Variants in ART5 observed in about 807,000 individuals in gnomAD.
ART5 encodes the protein ecto-ADP-ribosyltransferase 5.
A neutral mutation model predicts 25.0 loss-of-function variants in ART5; 22 were observed. The observed-to-expected ratio is 0.88, with a 90% CI of 0.63 to 1.26. ART5 has a LOEUF of 1.26. ART5 is among the 50% of genes most tolerant of loss of function. The pLI is 0.00. For synonymous variants in ART5, 161 were observed against 154.8 expected (o/e 1.04, Z -0.30); for missense variants, 402 against 372.8 (o/e 1.08, Z -0.64).
Position 3,638,597 on chromosome 11 carries a change from G to A in ART5, c.*141C>T. The A allele has an allele frequency of 1.0e-6, 1 of 987,054 alleles. No homozygotes were observed. The highest frequency in any genetic ancestry group is 1.6e-6 in the Non-Finnish European group (1 of 636,422). The allele number at this position is 987,054 out of a possible 1,614,324, so 61.1% of individuals were successfully genotyped here. A position where few individuals can be genotyped will look rare whatever the true frequency, so the allele number is the denominator to read the frequency against. On this transcript the variant is annotated 3_prime_UTR_variant, in exon 4 of 4. Coordinates refer to ENST00000397068, the MANE Select transcript of ART5 (RefSeq NM_053017.5). ...TGCAACACCGTTCAATCAAGTGGCTGCCTCAGTACTTTCCTTGCTTGTCCC... is the reference window on the plus strand; with the variant it reads ...TGCAACACCGTTCAATCAAGTGGCTACCTCAGTACTTTCCTTGCTTGTCCC...
chr11:3,640,793 G>A (rs2077385183), intron 1 of ART5, among the ~76,000 whole-genome samples: 1 of 152,234 alleles, frequency 6.6e-6, no homozygotes. Context: ...CCAGGCCGGA[G>A]TACAATGGCA....
chr11:3,639,962 T>G lies in ART5; in HGVS notation c.467A>C (p.Glu156Ala), dbSNP rs1236407047. Residue 156 changes from glutamate (E) to alanine (A), a missense_variant, in exon 2 of 4, where the codon GAG becomes GCG. Coordinates refer to ENST00000397068, the MANE Select transcript of ART5 (RefSeq NM_053017.5). ...GCTGCCCACACCTCGGAACACCACC[T>G]CCCCAGGTCCCCTGCTGCAGCCCCC... ...GSGGCSRGPG[E>A]VVFRGVGSLR... The G allele has an allele frequency of 6.2e-7, 1 of 1,613,914 alleles. No individual in the cohort carries two copies. The highest frequency in any genetic ancestry group is 8.5e-7 in the Non-Finnish European group (1 of 1,180,002).
intron 1 of ART5, among the ~76,000 whole-genome samples, 190 bp from the exon 2 acceptor site, chr11:3,640,561 T>C (rs1281654860): frequency 7.9e-6 from 1 of 127,074 alleles, no homozygotes; most frequent in African/African-American, 2.9e-5. Flanking sequence ...AGACATGGAC[T>C]GAAATCTTTT....
chr11:3,642,127 G>GC (rs1170786203), upstream of ART5: 1 of 1,324,712 alleles, frequency 7.5e-7, no homozygotes. Context: ...TAAAGGCGGG[G>GC]CCGCAGTTTG....
Position 3,639,043 on chromosome 11 carries a change from A to G in ART5, c.788-8T>C. The stretch of plus-strand genomic sequence containing the variant: ...AGCCCCGCCTCTTCTCCCCTGCAAC[A>G]GACAGCAGGGTGAGGCCTCCGCGTG... On this transcript the variant is annotated splice_polypyrimidine_tract_variant and splice_region_variant and intron_variant, in intron 2 of 3. Transcript: ENST00000397068. 6.4e-7 allele frequency: 1 copy of G among 1,551,710 alleles called. No homozygotes were observed. The highest frequency in any genetic ancestry group is 1.2e-5 in the South Asian group (1 of 84,086).
chr11:3,642,188 C>T (rs1336472803), upstream of ART5: 4 of 1,186,966 alleles, frequency 3.4e-6, no homozygotes, highest in African/African-American at 3.2e-5. Context: ...TTGAAGGCTG[C>T]GGAAGCCGCC....
At chr11:3,641,614 G>C (rs914624631) in intron 1 of ART5, among the ~76,000 whole-genome samples, 192 bp downstream of exon 1, 11 of 152,150 alleles carry the variant, frequency 7.2e-5, no homozygotes, top group African/African-American at 2.7e-4. Flanking sequence ...TGGAGATGGG[G>C]GTTCTAGGAG....
intron 1 of ART5, 22 bp downstream of exon 1, chr11:3,641,784 A>G (rs373191973): frequency 6.4e-7 from 1 of 1,569,306 alleles, no homozygotes; most frequent in Non-Finnish European, 8.6e-7. Context: ...CCTTGGGGCT[A>G]GGAGATGGTT....
At chr11:3,641,103 T>C (rs951130510) in intron 1 of ART5, among the ~76,000 whole-genome samples, 4 of 152,170 alleles carry the variant, frequency 2.6e-5, no homozygotes, top group African/African-American at 9.7e-5. Context: ...ATAACTTTTC[T>C]GGACTTGAGG....
Position 3,640,276 on chromosome 11 carries a change from G to T in ART5, c.153C>A (p.Ala51=), listed in dbSNP as rs2077375658. The T allele has an allele frequency of 1.2e-6, 2 of 1,613,512 alleles. No individual in the cohort carries two copies. The highest frequency in any genetic ancestry group is 1.7e-6 in the Non-Finnish European group (2 of 1,180,044). ...GGGCCATTTCCTCCTTTAGCAGGGG[G>T]GCTGCCTTCTCCTCCATCTCCTCTG... ...GCAEEMEEKA[A]PLLKEEMAHH... Residue 51 remains alanine (A), a synonymous_variant, in exon 2 of 4, where the codon GCC becomes GCA. Coordinates refer to ENST00000397068, the MANE Select transcript of ART5 (RefSeq NM_053017.5).
intron 2 of ART5, among the ~76,000 whole-genome samples, chr11:3,639,306 G>C (rs57435484): frequency 3.9e-5 from 6 of 152,018 alleles, no homozygotes; most frequent in Middle Eastern, 3.2e-3. Flanking sequence ...CAGCCCCATC[G>C]AGCCCAGGGC....
Position 3,639,629 on chromosome 11 carries a change from A to G in ART5, c.787+13T>C, listed in dbSNP as rs760651964. ...CCACACTGCCAGTCCTGCTTCCCCCATGCACAGCTTACCACCCAGATAGGC... is the reference window on the plus strand; with the variant it reads ...CCACACTGCCAGTCCTGCTTCCCCCGTGCACAGCTTACCACCCAGATAGGC... On this transcript the variant is annotated intron_variant, in intron 2 of 3. Coordinates refer to ENST00000397068, the MANE Select transcript of ART5 (RefSeq NM_053017.5). 6.2e-7 allele frequency: 1 copy of G among 1,603,154 alleles called. No homozygotes were observed. Among genetic ancestry groups the G allele is most frequent in the Non-Finnish European group, 8.5e-7 (1 of 1,174,912 alleles).
rs1235197519 is a variant in ART5, at chr11:3,641,797, T to A, written c.57+9A>T. 6.4e-7 allele frequency: 1 copy of A among 1,573,644 alleles called. No homozygotes were observed. Among genetic ancestry groups the A allele is most frequent in the East Asian group, 2.3e-5 (1 of 43,646 alleles). On this transcript the variant is annotated intron_variant, in intron 1 of 3. Coordinates refer to ENST00000397068, the MANE Select transcript of ART5 (RefSeq NM_053017.5). ...CCCCTTGGGGCTAGGAGATGGTTCCTGGAGTTACCTGCCAGGTGTGGAGGC... is the reference window on the plus strand; with the variant it reads ...CCCCTTGGGGCTAGGAGATGGTTCCAGGAGTTACCTGCCAGGTGTGGAGGC...
chr11:3,638,554 A>G lies in ART5; in HGVS notation c.*184T>C. On this transcript the variant is annotated 3_prime_UTR_variant, in exon 4 of 4. Coordinates refer to ENST00000397068, the MANE Select transcript of ART5 (RefSeq NM_053017.5). Reference sequence around the variant, plus strand: ...TTTAATCACGTAGCTACCTCAATAAAACTCCATGTCTCCACATTGCAACAC... The same window carrying G: ...TTTAATCACGTAGCTACCTCAATAAGACTCCATGTCTCCACATTGCAACAC... 1.5e-6 allele frequency: 1 copy of G among 681,978 alleles called. No individual in the cohort carries two copies. Among genetic ancestry groups the G allele is most frequent in the East Asian group, 2.6e-5 (1 of 38,306 alleles). The allele number at this position is 681,978 out of a possible 1,614,324, so 42.2% of individuals were successfully genotyped here.
At position 3,640,050 on chromosome 11, in the gene ART5, G is replaced by T. The variant is rs2077371082; in HGVS notation, c.379C>A (p.His127Asn). 4 of 1,614,180 alleles carry T rather than the reference G, an allele frequency of 2.5e-6. No individual in the cohort carries two copies. The East Asian group carries it at 8.9e-5, about 36-fold the overall frequency. The change falls in exon 2 of 4, where the codon CAC becomes AAC. Residue 127 changes from histidine (H) to asparagine (N), a missense_variant. Coordinates refer to ENST00000397068, the MANE Select transcript of ART5 (RefSeq NM_053017.5). ...AAATGCAGGGCCTTGAAGGGAAAGT[G>T]CCTCATGTAGAGCTCCCGGGAGCCT... The part of the protein sequence containing the change: ...GGGSRELYMR[H>N]FPFKALHFYL...
rs7128137 is a variant in ART5 at position 3,641,971 on chromosome 11, A to T, written c.-109T>A. 1.3e-6 allele frequency: 2 copies of T among 1,494,912 alleles called. No individual in the cohort carries two copies. The highest frequency in any genetic ancestry group is 1.8e-6 in the Non-Finnish European group (2 of 1,119,788). 92.6% of individuals were successfully genotyped at this position (1,494,912 alleles called of 1,614,324 possible). The stretch of plus-strand genomic sequence containing the variant: ...AGATCTGGACCCTGTCTCCAGGCGC[A>T]CGGGATCCCGGGTCCAGGATTAGGG... On this transcript the variant is annotated 5_prime_UTR_variant, in exon 1 of 4. Coordinates refer to ENST00000397068, the MANE Select transcript of ART5 (RefSeq NM_053017.5).
chr11:3,642,034 C>T, upstream of ART5: 1 of 1,411,286 alleles, frequency 7.1e-7, no homozygotes, highest in Non-Finnish European at 9.3e-7. Context: ...GAGTTTATTG[C>T]CCGCCCCCCG....
rs1411890528 is a variant in ART5, at chr11:3,640,152, C to T, written c.277G>A (p.Gly93Arg). Reference sequence around the variant, plus strand: ...TTGGTGTAGACCATAATGGCTATTCCATTCTGGGCTTTGAAGCCAGGGGGC... The same window carrying T: ...TTGGTGTAGACCATAATGGCTATTCTATTCTGGGCTTTGAAGCCAGGGGGC... ...TLPPGFKAQN[G>R]IAIMVYTNSS... is the part of the protein sequence containing the mutation. The change falls in exon 2 of 4, where the codon GGA becomes AGA. Residue 93 changes from glycine to arginine, a missense_variant. Coordinates refer to ENST00000397068, the MANE Select transcript of ART5 (RefSeq NM_053017.5). 2 of 1,614,174 alleles carry T rather than the reference C, an allele frequency of 1.2e-6. No individual in the cohort carries two copies.
At position 3,639,695 on chromosome 11, in the gene ART5, G is replaced by A. The variant is rs2077362952; in HGVS notation, c.734C>T (p.Thr245Ile). 6.2e-7 allele frequency: 1 copy of A among 1,613,994 alleles called. No homozygotes were observed. The highest frequency in any genetic ancestry group is 2.2e-5 in the East Asian group (1 of 44,880). Residue 245 changes from threonine to isoleucine, a missense_variant, in exon 2 of 4, where the codon ACT becomes ATT. Thr to Ile is a moderately conservative substitution (Grantham distance 89). Coordinates refer to ENST00000397068, the MANE Select transcript of ART5 (RefSeq NM_053017.5). ...ACAGGTCTGATTATAGCTCCAGAGA[G>A]TCACCAAGCTCTGGGCTCCATCCTG... ...FSQDGAQSLV[T>I]LWSYNQTCSH...
Sources: gnomAD v4.1 joint callset for allele counts (sites outside exome capture counted in the v4.1 genomes callset) on GRCh38, gnomAD v4.1.1 for gene constraint, MANE v1.5 for transcripts, NCBI Gene and HGNC (gene_info 2026-07-23, HGNC 2026-07-21) for gene names.